Variants in LRFN2 observed in about 807,000 individuals in gnomAD.
The protein encoded by LRFN2 is leucine-rich repeat and fibronectin type-III domain-containing protein 2.
A neutral mutation model predicts 37.3 loss-of-function variants in LRFN2; 18 were observed. The ratio of observed to expected loss-of-function variants is 0.48; its 90% CI spans 0.33 to 0.72. The LOEUF (loss-of-function observed/expected upper bound fraction) is 0.72. LRFN2 is among the 30% of genes least tolerant of loss of function. The pLI is 0.02. For missense variants in LRFN2, 1,006 were observed against 1,060.7 expected (o/e 0.95, Z 0.72); for synonymous variants, 556 against 466.6 (o/e 1.19, Z -2.47).
At chr6:40,460,556 A>T (rs1185916823) in intron 1 of LRFN2, among the ~76,000 whole-genome samples, 1 of 152,232 alleles carries the variant, frequency 6.6e-6, no homozygotes, top group Non-Finnish European at 1.5e-5. Context: ...CTGCTGTAGA[A>T]ATGCAAATTG....
In LRFN2 at chr6:40,392,165, G is replaced by T. The variant is rs1362245404; in HGVS notation, c.2148C>A (p.Gly716=). 7.5e-6 allele frequency: 12 copies of T among 1,601,804 alleles called. No homozygotes were observed. Among genetic ancestry groups the T allele is most frequent in the Non-Finnish European group, 1.0e-5 (12 of 1,173,670 alleles). Residue 716 remains glycine (G), a synonymous_variant, in exon 3 of 3, where the codon GGC becomes GGA. Coordinates refer to ENST00000338305, the MANE Select transcript of LRFN2 (RefSeq NM_020737.3). The surrounding 1 kb of genome is among the most constrained non-coding windows in gnomAD (Gnocchi z 4.7). ...ARSLLPLPLE[G]KAKRSHSFDM... Reference sequence around the variant, plus strand: ...CGAAGGAGTGGCTGCGTTTGGCCTTGCCCTCCAACGGCAAGGGGAGCAGGC... The same window carrying T: ...CGAAGGAGTGGCTGCGTTTGGCCTTTCCCTCCAACGGCAAGGGGAGCAGGC...
chr6:40,582,511 C>G (rs1459643374), intron 1 of LRFN2, among the ~76,000 whole-genome samples: 4 of 151,962 alleles, frequency 2.6e-5, no homozygotes. Flanking sequence ...ACACCTATAT[C>G]TTGTCTCTAT....
At chr6:40,452,816 A>G (rs1397806158) in intron 1 of LRFN2, among the ~76,000 whole-genome samples, 1 of 152,192 alleles carries the variant, frequency 6.6e-6, no homozygotes, top group African/African-American at 2.4e-5. Flanking sequence ...AAGGTCACAC[A>G]AAGAGAGAGA....
At chr6:40,443,974 G>A (rs1317652951) in intron 1 of LRFN2, among the ~76,000 whole-genome samples, 1 of 152,138 alleles carries the variant, frequency 6.6e-6, no homozygotes, top group Non-Finnish European at 1.5e-5. Flanking sequence ...CTAGGGCTGG[G>A]AGGGAGCTGG....
intron 1 of LRFN2, among the ~76,000 whole-genome samples, chr6:40,488,066 T>C (rs1378189485): frequency 1.3e-5 from 2 of 152,094 alleles, no homozygotes; most frequent in Non-Finnish European, 2.9e-5. Flanking sequence ...AATATTTTCT[T>C]TTGTTGGGAA....
In LRFN2 at chr6:40,392,582, C is replaced by G; in HGVS notation, c.1731G>C (p.Ser577=). The stretch of plus-strand genomic sequence containing the variant: ...GCGGTGGCTGGGCGCCGTTGGTCTG[C>G]GAGTACACATTGCTCACGGCCGCTG... ...KMAAAVSNVY[S]QTNGAQPPPP... Residue 577 remains serine (S), a synonymous_variant, in exon 3 of 3, where the codon TCG becomes TCC. Transcript: ENST00000338305. This position sits in a 1 kb window ranked among gnomAD's most constrained non-coding sequence, Gnocchi z 4.7. 3 of 1,607,370 alleles carry G rather than the reference C, an allele frequency of 1.9e-6. No homozygotes were observed. In the South Asian group the frequency reaches 3.3e-5, roughly 18 times the overall value.
intron 1 of LRFN2, among the ~76,000 whole-genome samples, chr6:40,568,756 T>C (rs1767135949): frequency 6.7e-6 from 1 of 148,758 alleles, no homozygotes; most frequent in African/African-American, 2.5e-5. Context: ...AGTTTCGCTC[T>C]TGTTGCCTAG....
At chr6:40,467,346 G>A (rs1169469270) in intron 1 of LRFN2, among the ~76,000 whole-genome samples, 4 of 152,086 alleles carry the variant, frequency 2.6e-5, no homozygotes, top group African/African-American at 9.7e-5. Flanking sequence ...AGGCCCAGCT[G>A]CCTGTGTCCT....
chr6:40,414,272 A>T (rs746651), intron 2 of LRFN2, among the ~76,000 whole-genome samples: 9 of 152,186 alleles, frequency 5.9e-5, no homozygotes, highest in South Asian at 4.1e-4. Context: ...AAGCTAGCTG[A>T]GCACTATTGA....
At chr6:40,514,982 A>G (rs1765820967) in intron 1 of LRFN2, among the ~76,000 whole-genome samples, 1 of 152,232 alleles carries the variant, frequency 6.6e-6, no homozygotes, top group Admixed American at 6.5e-5. Flanking sequence ...CCACCTGGGC[A>G]GCTCCCAGAC....
At chr6:40,557,058 C>T (rs1446795143) in intron 1 of LRFN2, among the ~76,000 whole-genome samples, 7 of 152,180 alleles carry the variant, frequency 4.6e-5, no homozygotes, top group African/African-American at 1.7e-4. Flanking sequence ...CTCCCCCATC[C>T]CCATCTGTGT....
At chr6:40,550,416 C>T (rs1766753272) in intron 1 of LRFN2, among the ~76,000 whole-genome samples, 1 of 152,158 alleles carries the variant, frequency 6.6e-6, no homozygotes, top group Non-Finnish European at 1.5e-5. Flanking sequence ...CCTTTGATTG[C>T]TCAAACCTTA....
chr6:40,518,074 T>C (rs544898174), intron 1 of LRFN2, among the ~76,000 whole-genome samples: 1 of 152,286 alleles, frequency 6.6e-6, no homozygotes, highest in South Asian at 2.1e-4. Flanking sequence ...CTAGTCCCAG[T>C]CTGGTCTCTA....
intron 2 of LRFN2, among the ~76,000 whole-genome samples, chr6:40,419,622 G>T (rs1241205875): frequency 6.6e-6 from 1 of 152,160 alleles, no homozygotes; most frequent in Admixed American, 6.5e-5. Context: ...GGCAGCAGCT[G>T]ATGAATACAC....
At chr6:40,393,214 C>T (rs943204653) in intron 2 of LRFN2, among the ~76,000 whole-genome samples, 1 of 150,718 alleles carries the variant, frequency 6.6e-6, no homozygotes, top group Admixed American at 6.6e-5. Flanking sequence ...GGAGGGAGAC[C>T]CAGACAAGGG....
intron 1 of LRFN2, among the ~76,000 whole-genome samples, chr6:40,542,682 C>T (rs2113917137): frequency 6.6e-6 from 1 of 152,282 alleles, no homozygotes; most frequent in East Asian, 1.9e-4. Flanking sequence ...CCCTGCTCCC[C>T]AACTCTGACC....
chr6:40,586,394 G>A lies in LRFN2; in HGVS notation c.-19+547C>T, dbSNP rs951077679. ...TGCTTTCTGCCTGAGGCCAGCATAG[G>A]GTCCCTGAACCTGCCCTACCTGCCC... is the stretch of plus-strand genomic sequence containing the variant. On this transcript the variant is annotated intron_variant, in intron 1 of 2. Transcript: ENST00000338305. Among the ~76,000 whole-genome samples the A allele has an allele frequency of 4.6e-5, 7 of 152,210 alleles. No homozygotes were observed. The South Asian group carries it at 8.3e-4, about 18-fold the overall frequency.
intron 1 of LRFN2, among the ~76,000 whole-genome samples, chr6:40,557,560 G>A (rs903030193): frequency 6.6e-6 from 1 of 152,120 alleles, no homozygotes; most frequent in Non-Finnish European, 1.5e-5. Flanking sequence ...TGACCCTGAA[G>A]GCCAGTAGGA....
intron 1 of LRFN2, among the ~76,000 whole-genome samples, chr6:40,449,336 T>C (rs932621196): frequency 2.0e-5 from 3 of 152,160 alleles, no homozygotes; most frequent in Non-Finnish European, 4.4e-5. Flanking sequence ...AGAAAAGAAG[T>C]CCCAAGTGTT....
Sources: allele counts gnomAD v4.1 joint callset (sites outside exome capture counted in the v4.1 genomes callset), GRCh38; gene constraint gnomAD v4.1.1; non-coding constraint Gnocchi (gnomAD v3.1); transcripts MANE v1.5; gene names NCBI Gene and HGNC (gene_info 2026-07-23, HGNC 2026-07-21).